The following AGBL1 variants were observed in gnomAD, a reference collection of about 807,000 sequenced individuals.
AGBL1 encodes the protein AGBL carboxypeptidase 1, also known as cytosolic carboxypeptidase 4.
AGBL1 carries 130 observed loss-of-function variants against 118.9 expected under a neutral mutation model. That is an observed-to-expected ratio of 1.09 (90% confidence interval 0.95 to 1.26). The LOEUF (loss-of-function observed/expected upper bound fraction) is 1.26. Among genes scored for constraint, AGBL1 ranks in the 50% most tolerant of loss-of-function variants. The pLI is 0.00. For missense variants in AGBL1, 1,584 were observed against 1,298.1 expected (o/e 1.22, Z -3.38); for synonymous variants, 555 against 478.9 (o/e 1.16, Z -2.08).
chr15:87,014,370 G>A (rs1046496544), intron 24 of AGBL1, among the ~76,000 whole-genome samples: 10 of 152,132 alleles, frequency 6.6e-5, no homozygotes, highest in Admixed American at 1.3e-4. Context: ...TTTGCATTTC[G>A]TTGAGAGGAA....
At chr15:86,842,029 T>C (rs572198457) in intron 22 of AGBL1, among the ~76,000 whole-genome samples, 2 of 151,904 alleles carry the variant, frequency 1.3e-5, no homozygotes, top group South Asian at 2.1e-4. Flanking sequence ...CAAGGCACAT[T>C]AAGGTGGATG....
At chr15:86,366,355 T>C (rs562578781) in intron 17 of AGBL1, among the ~76,000 whole-genome samples, 1 of 152,284 alleles carries the variant, frequency 6.6e-6, no homozygotes, top group South Asian at 2.1e-4. Context: ...AGGCAACATT[T>C]CAGAGATCTC....
intron 5 of AGBL1, among the ~76,000 whole-genome samples, chr15:86,198,146 C>G (rs761873332): frequency 2.0e-5 from 3 of 152,164 alleles, no homozygotes; most frequent in Non-Finnish European, 4.4e-5. Context: ...ATTTGCCTTG[C>G]TAGGTTTGGA....
intron 15 of AGBL1, among the ~76,000 whole-genome samples, chr15:86,274,924 C>A (rs1202963125): frequency 6.6e-6 from 1 of 152,100 alleles, no homozygotes; most frequent in Non-Finnish European, 1.5e-5. Flanking sequence ...CACCTCCCAC[C>A]CCTTCTATTC....
chr15:86,527,181 T>C (rs1423686851), intron 19 of AGBL1, among the ~76,000 whole-genome samples: 2 of 152,184 alleles, frequency 1.3e-5, no homozygotes, highest in African/African-American at 4.8e-5. Flanking sequence ...TAGAAAGCTT[T>C]AGCTTCTAAG....
chr15:86,233,960 G>T (rs1448291425), intron 6 of AGBL1, among the ~76,000 whole-genome samples: 2 of 152,138 alleles, frequency 1.3e-5, no homozygotes, highest in Non-Finnish European at 1.5e-5. Context: ...ACACAGCTGT[G>T]GATGGTGGTG....
Position 86,603,298 on chromosome 15 carries a change from C to G in AGBL1, c.2994+48761C>G, listed in dbSNP as rs955415417. On this transcript the variant is annotated intron_variant, in intron 21 of 22. Transcript: ENST00000614907. Reference sequence around the variant, plus strand: ...CCTTCCCCTCCAAAGGACCCAGTATCTGATGCATGTTTTAACATCTCACTT... The same window carrying G: ...CCTTCCCCTCCAAAGGACCCAGTATGTGATGCATGTTTTAACATCTCACTT... 4.6e-5 allele frequency among the ~76,000 whole-genome samples: 7 copies of G among 152,176 alleles called. No homozygotes were observed. In the East Asian group the frequency reaches 1.2e-3, roughly 25 times the overall value.
At chr15:86,475,319 A>C (rs1391754965) in intron 18 of AGBL1, among the ~76,000 whole-genome samples, 1 of 152,164 alleles carries the variant, frequency 6.6e-6, no homozygotes, top group East Asian at 1.9e-4. Flanking sequence ...GAAGCTAAAA[A>C]CCTTGAAAAA....
Position 86,546,093 on chromosome 15 carries a change from C to T in AGBL1, c.2777C>T (p.Thr926Ile), listed in dbSNP as rs909016356. The change falls in exon 20 of 23, where the codon ACT becomes ATT. Residue 926 changes from threonine to isoleucine, a missense_variant. By Grantham distance (89) the Thr-to-Ile change is moderately conservative. Coordinates refer to ENST00000614907, the MANE Select transcript of AGBL1 (RefSeq NM_001386094.1). ...GAAACCTTGTGGCAAGCAGCATGCA[C>T]TGTGGGCACATCTACTATCCTAGAG... ...IKETLWQAAC[T>I]VGTSTILEEV... 1 of 1,613,436 alleles carries T rather than the reference C, an allele frequency of 6.2e-7. No individual in the cohort carries two copies.
chr15:86,942,372 C>T (rs2080763730), intron 23 of AGBL1, among the ~76,000 whole-genome samples: 1 of 152,196 alleles, frequency 6.6e-6, no homozygotes, highest in Admixed American at 6.5e-5. Context: ...CTTCTAGATT[C>T]CCTGACTCTA....
chr15:86,728,872 C>G (rs2077492073), intron 22 of AGBL1, among the ~76,000 whole-genome samples: 1 of 152,058 alleles, frequency 6.6e-6, no homozygotes, highest in Non-Finnish European at 1.5e-5. Context: ...ACCTGCACAT[C>G]CAGATTTAGT....
chr15:86,754,384 CA>C (rs1388700960), intron 22 of AGBL1, among the ~76,000 whole-genome samples: 1 of 152,066 alleles, frequency 6.6e-6, no homozygotes, highest in Non-Finnish European at 1.5e-5. Context: ...AAGCAACAAT[CA>C]AACAATATTG....
intron 24 of AGBL1, chr15:87,028,729 G>T (rs569322812): frequency 6.5e-6 from 7 of 1,082,590 alleles, no homozygotes; most frequent in Admixed American, 2.0e-5. Context: ...AATGAATTTC[G>T]TATCTCTAAA....
intron 5 of AGBL1, among the ~76,000 whole-genome samples, chr15:86,171,264 C>G (rs1030026884): frequency 5.3e-5 from 8 of 152,066 alleles, no homozygotes; most frequent in Non-Finnish European, 1.0e-4. Flanking sequence ...TTATTTTAGT[C>G]TCTTTAAAAA....
chr15:86,860,774 A>C (rs544528098), intron 22 of AGBL1, among the ~76,000 whole-genome samples: 1 of 152,148 alleles, frequency 6.6e-6, no homozygotes, highest in African/African-American at 2.4e-5. Flanking sequence ...GGATGAGCAC[A>C]TGTTTCTATG....
intron 22 of AGBL1, among the ~76,000 whole-genome samples, chr15:86,835,951 A>G (rs934775303): frequency 3.3e-5 from 5 of 152,192 alleles, no homozygotes; most frequent in Admixed American, 2.0e-4. Context: ...CACACACACA[A>G]AGTGAAGGAA....
intron 23 of AGBL1, among the ~76,000 whole-genome samples, chr15:86,944,330 G>T (rs1242569761): frequency 6.6e-6 from 1 of 152,074 alleles, no homozygotes; most frequent in African/African-American, 2.4e-5. Flanking sequence ...GGGGAGCTGA[G>T]ATTGTGCCAC....
At chr15:86,236,004 G>T (rs1474830540) in intron 6 of AGBL1, among the ~76,000 whole-genome samples, 2 of 152,202 alleles carry the variant, frequency 1.3e-5, no homozygotes, top group East Asian at 3.8e-4. Context: ...GAGATTGACT[G>T]ACTTGCCCGA....
chr15:86,447,981 CA>C (rs902703782), intron 18 of AGBL1, among the ~76,000 whole-genome samples: 1 of 151,776 alleles, frequency 6.6e-6, no homozygotes, highest in Non-Finnish European at 1.5e-5. Context: ...CTCGACTCTA[CA>C]AAAAATACAA....
Sources: allele counts gnomAD v4.1 joint callset (sites outside exome capture counted in the v4.1 genomes callset), GRCh38; gene constraint gnomAD v4.1.1; transcripts MANE v1.5; gene names NCBI Gene and HGNC (gene_info 2026-07-23, HGNC 2026-07-21).